Variants in SLC9A9 observed in about 807,000 individuals in gnomAD.
The protein encoded by SLC9A9 is sodium/hydrogen exchanger 9.
Under a neutral mutation model 77.8 loss-of-function variants are expected in SLC9A9, and 62 were observed. The observed-to-expected ratio is 0.80, with a 90% CI of 0.65 to 0.98. The LOEUF is 0.98. Ranked by LOEUF, SLC9A9 falls within the 50% of genes least tolerant of loss-of-function variation. The pLI, the probability that SLC9A9 is intolerant of heterozygous loss-of-function variation, is 0.00. For missense variants in SLC9A9, 775 were observed against 774.9 expected, an observed-to-expected ratio of 1.00 and a Z score of 0.00; for synonymous variants, 320 against 283.5, an observed-to-expected ratio of 1.13 and a Z score of -1.29.
chr3:143,726,243 T>TA (rs1934650066), intron 4 of SLC9A9, among the ~76,000 whole-genome samples: 2 of 27,070 alleles, frequency 7.4e-5, no homozygotes, highest in Non-Finnish European at 7.3e-5. Context: ...AAGTTGGAAA[T>TA]AAAAAAAGAA....
chr3:143,528,889 T>C (rs1292861459), intron 9 of SLC9A9, among the ~76,000 whole-genome samples: 1 of 152,198 alleles, frequency 6.6e-6, no homozygotes, highest in Non-Finnish European at 1.5e-5. Flanking sequence ...GTTTATTATC[T>C]TTACTTTGAT....
chr3:143,721,101 C>T (rs978679509), intron 4 of SLC9A9, among the ~76,000 whole-genome samples: 2 of 152,056 alleles, frequency 1.3e-5, no homozygotes, highest in African/African-American at 2.4e-5. Flanking sequence ...GCCTGTAGTC[C>T]CAGCTGCTTG....
At position 143,325,805 on chromosome 3, in the gene SLC9A9, G is replaced by A. The variant is rs140513098; in HGVS notation, c.1604+37679C>T. On this transcript the variant is annotated intron_variant, in intron 14 of 15. Coordinates refer to ENST00000316549, the MANE Select transcript of SLC9A9 (RefSeq NM_173653.4). Reference sequence around the variant, plus strand: ...TCAGTTACTATTTAAAGCAAGTCCTGCAGACCTGGTCTCTGCCTCTAGGAT... The same window carrying A: ...TCAGTTACTATTTAAAGCAAGTCCTACAGACCTGGTCTCTGCCTCTAGGAT... Among the ~76,000 whole-genome samples, 130 of 152,290 alleles carry A rather than the reference G, an allele frequency of 8.5e-4. 1 individual carries two copies. In the East Asian group the frequency reaches 0.021, roughly 25 times the overall value.
At chr3:143,290,106 G>A (rs966497927) in intron 14 of SLC9A9, among the ~76,000 whole-genome samples, 5 of 152,128 alleles carry the variant, frequency 3.3e-5, no homozygotes, top group African/African-American at 4.8e-5. Flanking sequence ...CCCTCCTATG[G>A]TCTTCTACAG....
intron 9 of SLC9A9, among the ~76,000 whole-genome samples, chr3:143,543,307 C>G (rs1228274915): frequency 6.6e-6 from 1 of 152,160 alleles, no homozygotes; most frequent in African/African-American, 2.4e-5. Context: ...AGCGGCCCAC[C>G]CCTAACTATT....
At chr3:143,510,335 A>C (rs529790506) in intron 9 of SLC9A9, among the ~76,000 whole-genome samples, 11 of 152,208 alleles carry the variant, frequency 7.2e-5, no homozygotes, top group Non-Finnish European at 1.3e-4. Flanking sequence ...TCAGAACTGT[A>C]ATATTCAAAG....
At chr3:143,714,449 C>A (rs1314130927) in intron 4 of SLC9A9, among the ~76,000 whole-genome samples, 1 of 152,188 alleles carries the variant, frequency 6.6e-6, no homozygotes, top group Non-Finnish European at 1.5e-5. Context: ...GTTTCAAATT[C>A]AGGCATTATC....
At chr3:143,280,259 C>CA (rs1237935708) in intron 14 of SLC9A9, among the ~76,000 whole-genome samples, 2 of 152,152 alleles carry the variant, frequency 1.3e-5, no homozygotes, top group Admixed American at 6.5e-5. Context: ...TTTTAGGGAA[C>CA]AAAATGAATA....
chr3:143,679,118 A>G (rs1932995987), intron 5 of SLC9A9, among the ~76,000 whole-genome samples: 1 of 150,664 alleles, frequency 6.6e-6, no homozygotes, highest in Non-Finnish European at 1.5e-5. Context: ...AAAAAAAAGC[A>G]AATTAGGAAA....
intron 5 of SLC9A9, among the ~76,000 whole-genome samples, chr3:143,680,120 T>C (rs2108772585): frequency 6.6e-6 from 1 of 151,976 alleles, no homozygotes; most frequent in South Asian, 2.1e-4. Context: ...TAGATTAAAA[T>C]AAAAATGAAG....
intron 12 of SLC9A9, among the ~76,000 whole-genome samples, chr3:143,421,079 G>A (rs2034289250): frequency 1.3e-5 from 2 of 152,008 alleles, no homozygotes; most frequent in African/African-American, 4.8e-5. Flanking sequence ...ATCTAACCAA[G>A]GAGGTGAGGT....
At chr3:143,559,017 C>T (rs1048949003) in intron 8 of SLC9A9, among the ~76,000 whole-genome samples, 4 of 152,116 alleles carry the variant, frequency 2.6e-5, no homozygotes, top group African/African-American at 4.8e-5. Flanking sequence ...ATAGTGAGTT[C>T]TCACTAGATC....
chr3:143,438,480 TG>T (rs1193552495), intron 12 of SLC9A9, among the ~76,000 whole-genome samples: 9 of 152,088 alleles, frequency 5.9e-5, no homozygotes, highest in Admixed American at 1.3e-4. Flanking sequence ...AAGAGGAGTG[TG>T]GGGGAAGCCT....
At chr3:143,514,666 G>A (rs936305107) in intron 9 of SLC9A9, among the ~76,000 whole-genome samples, 2 of 152,156 alleles carry the variant, frequency 1.3e-5, no homozygotes, top group African/African-American at 4.8e-5. Flanking sequence ...TTCTTCAAAC[G>A]TCATGAACAA....
rs544847804 is a variant in SLC9A9 at position 143,721,947 on chromosome 3, C to T, written c.534-28640G>A. On this transcript the variant is annotated intron_variant, in intron 4 of 15. Coordinates refer to ENST00000316549, the MANE Select transcript of SLC9A9 (RefSeq NM_173653.4). ...AGAAGGTGTTTACATTTCAGCAATC[C>T]GACTAGGCAGCATCTAAAACAAAAA... is the stretch of plus-strand genomic sequence containing the variant. Among the ~76,000 whole-genome samples the T allele has an allele frequency of 2.6e-5, 4 of 152,188 alleles. No homozygotes were observed. The South Asian group carries it at 6.2e-4, about 24-fold the overall frequency.
chr3:143,539,268 G>C (rs2036645860), intron 9 of SLC9A9, among the ~76,000 whole-genome samples: 1 of 152,010 alleles, frequency 6.6e-6, no homozygotes, highest in Non-Finnish European at 1.5e-5. Flanking sequence ...TTCCCTCTCG[G>C]GTACTTTATT....
At chr3:143,477,731 A>T (rs1221700482) in intron 11 of SLC9A9, among the ~76,000 whole-genome samples, 6 of 152,102 alleles carry the variant, frequency 3.9e-5, no homozygotes, top group Admixed American at 3.9e-4. Flanking sequence ...GCGTCAACCT[A>T]TGCAATGTGT....
At chr3:143,565,678 A>C (rs553798717) in intron 8 of SLC9A9, among the ~76,000 whole-genome samples, 4 of 150,620 alleles carry the variant, frequency 2.7e-5, no homozygotes, top group Non-Finnish European at 5.9e-5. Context: ...CTATTTCTGC[A>C]GCTTGAACGC....
chr3:143,663,079 A>C (rs1405598556), intron 5 of SLC9A9, among the ~76,000 whole-genome samples: 2 of 152,082 alleles, frequency 1.3e-5, no homozygotes, highest in East Asian at 3.9e-4. Flanking sequence ...CCCCTCTGAG[A>C]CGAAGCTTCC....
Sources: gnomAD v4.1 joint callset for allele counts (sites outside exome capture counted in the v4.1 genomes callset) on GRCh38, gnomAD v4.1.1 for gene constraint, MANE v1.5 for transcripts, NCBI Gene and HGNC (gene_info 2026-07-23, HGNC 2026-07-21) for gene names.